The following TMEM181 variants were observed in gnomAD, a reference collection of about 807,000 sequenced individuals.
TMEM181 encodes the protein transmembrane protein 181.
TMEM181 carries 39 observed loss-of-function variants against 71.9 expected under a neutral mutation model. That is an observed-to-expected ratio of 0.54 (90% confidence interval 0.42 to 0.71). TMEM181 has a LOEUF of 0.71. Among genes scored for constraint, TMEM181 ranks in the 30% least tolerant of loss-of-function variants. The pLI is 0.00. For missense variants in TMEM181, 595 were observed against 583.0 expected, an observed-to-expected ratio of 1.02 and a Z score of -0.21; for synonymous variants, 245 against 228.8, an observed-to-expected ratio of 1.07 and a Z score of -0.64.
upstream of TMEM181, among the ~76,000 whole-genome samples, chr6:158,555,177 G>A (rs997080942): frequency 9.2e-5 from 14 of 152,142 alleles, no homozygotes; most frequent in African/African-American, 3.4e-4. Context: ...TCCTTCCTGT[G>A]TTTGTTTGGC....
At chr6:158,607,788 A>T (rs940127807) in intron 8 of TMEM181, among the ~76,000 whole-genome samples, 5 of 152,224 alleles carry the variant, frequency 3.3e-5, no homozygotes, top group African/African-American at 1.2e-4. Context: ...CCCAGGAGCC[A>T]TGTTCCACCG....
chr6:158,554,347 A>G (rs1781810814), intron 1 of TMEM181, among the ~76,000 whole-genome samples: 1 of 152,118 alleles, frequency 6.6e-6, no homozygotes. Context: ...TGGCCTCCCA[A>G]AGTGCTGGGA....
chr6:158,628,409 A>G lies in TMEM181; in HGVS notation c.1111A>G (p.Ile371Val), dbSNP rs753674299. The G allele has an allele frequency of 2.5e-6, 4 of 1,614,064 alleles. No individual in the cohort carries two copies. The highest frequency in any genetic ancestry group is 4.5e-5 in the East Asian group (2 of 44,900). Residue 371 changes from isoleucine to valine, a missense_variant and splice_region_variant, in exon 14 of 17, where the codon ATC becomes GTC. By Grantham distance (29) the Ile-to-Val change is conservative. Coordinates refer to ENST00000684151, the MANE Select transcript of TMEM181 (RefSeq NM_001376852.1). The part of the protein sequence containing the change: ...ALTFVVLVIS[I>V]AILYLRFGAQ... ...TCTCTGCTCCTCTGTCTTGTTCAGC[A>G]TCGCCATCCTTTATTTGAGATTTGG...
chr6:158,601,490 A>G (rs1784667328), intron 6 of TMEM181, among the ~76,000 whole-genome samples: 2 of 151,014 alleles, frequency 1.3e-5, no homozygotes, highest in South Asian at 2.1e-4. Flanking sequence ...GCCAGGTGCA[A>G]TGGCTCACAC....
upstream of TMEM181, among the ~76,000 whole-genome samples, chr6:158,558,524 C>G (rs566721387): frequency 1.3e-5 from 2 of 152,122 alleles, no homozygotes; most frequent in Non-Finnish European, 2.9e-5. Context: ...GGAACTGAGG[C>G]GCAGAGACAG....
intron 9 of TMEM181, 22 bp from the exon 10 acceptor site, chr6:158,608,637 C>T (rs1562305382): frequency 3.1e-6 from 5 of 1,601,036 alleles, no homozygotes; most frequent in Non-Finnish European, 3.4e-6. Flanking sequence ...TTATTTCTTA[C>T]TTCTTATTTT....
intron 6 of TMEM181, among the ~76,000 whole-genome samples, chr6:158,601,321 G>A (rs1784657268): frequency 6.6e-6 from 1 of 152,204 alleles, no homozygotes; most frequent in Non-Finnish European, 1.5e-5. Flanking sequence ...GGCCAAGGCA[G>A]GCAGATCACC....
rs550333755 is a variant in TMEM181 at position 158,542,425 on chromosome 6, A to G, written c.131+5560A>G. 6.6e-5 allele frequency among the ~76,000 whole-genome samples: 10 copies of G among 152,334 alleles called. No individual in the cohort carries two copies. The South Asian group carries it at 2.1e-3, about 32-fold the overall frequency. On this transcript the variant is annotated intron_variant, in intron 1 of 16. Coordinates refer to the TMEM181 transcript ENST00000367090. The stretch of plus-strand genomic sequence containing the variant: ...TCTTCCCGACAACCCTCAGAGGAAA[A>G]TGAAGTCTAGCAAGACCAAGTAACT...
At chr6:158,543,720 C>A (rs557644870) in intron 1 of TMEM181, among the ~76,000 whole-genome samples, 1 of 152,192 alleles carries the variant, frequency 6.6e-6, no homozygotes, top group Non-Finnish European at 1.5e-5. Context: ...TTAGGGCCCG[C>A]CTTAATGACC....
chr6:158,631,305 G>A lies in TMEM181; in HGVS notation c.1283-18G>A, dbSNP rs779406944. On this transcript the variant is annotated intron_variant, in intron 15 of 16. Coordinates refer to ENST00000684151, the MANE Select transcript of TMEM181 (RefSeq NM_001376852.1). ...CACGTCAATTGCTTGAGATGCAAAT[G>A]CTCTTGTTGGTTTTCAGAGTCCCAG... The A allele has an allele frequency of 2.4e-5, 38 of 1,613,874 alleles. No homozygotes were observed. In the East Asian group the frequency reaches 8.0e-4, roughly 34 times the overall value.
intron 6 of TMEM181, among the ~76,000 whole-genome samples, chr6:158,604,826 G>C (rs183756099): frequency 6.6e-6 from 1 of 152,216 alleles, no homozygotes; most frequent in East Asian, 1.9e-4. Flanking sequence ...AAAATAATTT[G>C]TCGGATTTAT....
intron 1 of TMEM181, among the ~76,000 whole-genome samples, chr6:158,568,095 T>TGGGGG (rs940553695): frequency 7.3e-5 from 11 of 151,712 alleles, no homozygotes; most frequent in Admixed American, 3.3e-4. Flanking sequence ...GAAGAGGAAC[T>TGGGGG]GGGGAGCAAG....
chr6:158,565,622 G>GA (rs1190757119), intron 1 of TMEM181, among the ~76,000 whole-genome samples: 2 of 152,074 alleles, frequency 1.3e-5, no homozygotes, highest in Non-Finnish European at 2.9e-5. Flanking sequence ...GAGGAAAACA[G>GA]AAAAAAACAG....
intron 1 of TMEM181, among the ~76,000 whole-genome samples, chr6:158,545,886 T>C (rs750201832): frequency 1.3e-5 from 2 of 152,194 alleles, no homozygotes; most frequent in African/African-American, 2.4e-5. Context: ...AAGTGCCCTC[T>C]GCGCTGTGTT....
At chr6:158,559,744 A>C (rs1248890846), upstream of TMEM181, among the ~76,000 whole-genome samples, 1 of 152,200 alleles carries the variant, frequency 6.6e-6, no homozygotes, top group Non-Finnish European at 1.5e-5. Context: ...TCCCTAGAAA[A>C]ATGCAGACAC....
chr6:158,551,761 T>C (rs957712390), intron 1 of TMEM181, among the ~76,000 whole-genome samples: 35 of 152,224 alleles, frequency 2.3e-4, no homozygotes, highest in African/African-American at 8.4e-4. Flanking sequence ...ATCTAATTTT[T>C]GAAACATTTG....
At chr6:158,555,628 A>G (rs1007498758), upstream of TMEM181, among the ~76,000 whole-genome samples, 3 of 152,228 alleles carry the variant, frequency 2.0e-5, no homozygotes, top group Non-Finnish European at 2.9e-5. Context: ...TCATGATGTA[A>G]TTTGTCTATT....
intron 15 of TMEM181, 84 bp downstream of exon 15, chr6:158,629,903 C>G: frequency 8.8e-7 from 1 of 1,141,208 alleles, no homozygotes; most frequent in Non-Finnish European, 1.3e-6. Flanking sequence ...CCCGGGTTTC[C>G]CATTCATGTG....
chr6:158,552,772 G>A (rs1781758378), intron 1 of TMEM181, among the ~76,000 whole-genome samples: 1 of 152,200 alleles, frequency 6.6e-6, no homozygotes. Context: ...TCTGAGAGAT[G>A]AACCTGAGAA....
Sources: allele counts gnomAD v4.1 joint callset (sites outside exome capture counted in the v4.1 genomes callset), GRCh38; gene constraint gnomAD v4.1.1; transcripts MANE v1.5; gene names NCBI Gene and HGNC (gene_info 2026-07-23, HGNC 2026-07-21).